Variants in DCC observed in about 807,000 individuals in gnomAD.
DCC encodes the protein DCC netrin 1 receptor.
In DCC, 58 loss-of-function variants were observed where a neutral mutation model predicts 172.5. The ratio of observed to expected loss-of-function variants is 0.34; its 90% CI spans 0.27 to 0.42. DCC has a LOEUF of 0.42. Among genes scored for constraint, DCC ranks in the 10% least tolerant of loss-of-function variants. The pLI is 1.00. For missense variants in DCC, 1,740 were observed against 1,791.0 expected, an observed-to-expected ratio of 0.97 and a Z score of 0.51; for synonymous variants, 709 against 644.5, an observed-to-expected ratio of 1.10 and a Z score of -1.52.
intron 1 of DCC, among the ~76,000 whole-genome samples, chr18:52,605,991 G>T (rs1199089291): frequency 1.3e-5 from 2 of 151,994 alleles, no homozygotes; most frequent in Non-Finnish European, 2.9e-5. Flanking sequence ...ATACTACAAA[G>T]AATGCAATCT....
chr18:52,798,557 T>G (rs532744034), intron 2 of DCC, among the ~76,000 whole-genome samples: 1 of 151,888 alleles, frequency 6.6e-6, no homozygotes, highest in Admixed American at 6.6e-5. Flanking sequence ...TGTTAAAAAA[T>G]AAAAATCCAA....
At chr18:52,595,705 A>G (rs2033896114) in intron 1 of DCC, among the ~76,000 whole-genome samples, 1 of 152,206 alleles carries the variant, frequency 6.6e-6, no homozygotes, top group Non-Finnish European at 1.5e-5. Context: ...TTAACCAGCT[A>G]CAATCACATT....
intron 26 of DCC, among the ~76,000 whole-genome samples, chr18:53,492,283 C>CT (rs1402829471): frequency 2.0e-5 from 3 of 151,898 alleles, no homozygotes; most frequent in African/African-American, 7.2e-5. Flanking sequence ...CTGATGATAG[C>CT]TTTTTTGTTG....
At chr18:52,642,614 AT>A (rs551209619) in intron 1 of DCC, among the ~76,000 whole-genome samples, 78 of 151,204 alleles carry the variant, frequency 5.2e-4, no homozygotes, top group South Asian at 2.1e-3. Context: ...TGTTCTTAAT[AT>A]TTTTTTTTAC....
At chr18:53,456,236 G>C (rs1239762976) in intron 23 of DCC, among the ~76,000 whole-genome samples, 1 of 152,190 alleles carries the variant, frequency 6.6e-6, no homozygotes, top group Non-Finnish European at 1.5e-5. Flanking sequence ...GATTTTGAAG[G>C]CACTGTGGGC....
chr18:53,010,198 A>T (rs2041707673), intron 5 of DCC, among the ~76,000 whole-genome samples: 1 of 151,868 alleles, frequency 6.6e-6, no homozygotes, highest in South Asian at 2.1e-4. Flanking sequence ...GTCTAATTTG[A>T]TCTGTTGTCA....
intron 15 of DCC, among the ~76,000 whole-genome samples, chr18:53,375,517 A>G (rs1479790268): frequency 1.3e-5 from 2 of 152,048 alleles, no homozygotes; most frequent in African/African-American, 2.4e-5. Flanking sequence ...TTTTAAAATA[A>G]TGATTTGTTT....
intron 7 of DCC, among the ~76,000 whole-genome samples, chr18:53,072,715 C>T (rs1265913207): frequency 6.6e-6 from 1 of 152,148 alleles, no homozygotes; most frequent in East Asian, 1.9e-4. Context: ...AGAATAAATG[C>T]TATTATAGAT....
chr18:52,621,473 A>G (rs2034478188), intron 1 of DCC, among the ~76,000 whole-genome samples: 1 of 152,156 alleles, frequency 6.6e-6, no homozygotes, highest in African/African-American at 2.4e-5. Flanking sequence ...GCCTTATTCC[A>G]CTTACTCATT....
Position 53,167,775 on chromosome 18 carries a change from C to T in DCC, c.1418+10263C>T, listed in dbSNP as rs537640236. On this transcript the variant is annotated intron_variant, in intron 8 of 28. Coordinates refer to ENST00000442544, the MANE Select transcript of DCC (RefSeq NM_005215.4). ...TTAATACAAAGTGATACATAATACA[C>T]TAGATGTATAAACAGAAAGCAATGA... Among the ~76,000 whole-genome samples, 515 of 152,192 alleles carry T rather than the reference C, an allele frequency of 3.4e-3. 2 individuals carry two copies. The highest frequency in any genetic ancestry group is 0.012 in the African/African-American group (500 of 41,524).
intron 12 of DCC, among the ~76,000 whole-genome samples, chr18:53,242,158 T>A (rs538066997): frequency 3.9e-4 from 60 of 152,150 alleles, no homozygotes; most frequent in Non-Finnish European, 6.9e-4. Context: ...TCTTAATCAA[T>A]CACTGGTAAC....
intron 5 of DCC, among the ~76,000 whole-genome samples, chr18:53,005,344 A>G (rs1362439814): frequency 1.3e-5 from 2 of 152,220 alleles, no homozygotes; most frequent in Non-Finnish European, 2.9e-5. Context: ...TATTATAGGT[A>G]AGTAAGCCAA....
chr18:53,384,842 CAAT>C (rs950316515), intron 15 of DCC, among the ~76,000 whole-genome samples: 3 of 115,860 alleles, frequency 2.6e-5, no homozygotes, highest in Non-Finnish European at 6.6e-5. Flanking sequence ...AAGTTTACCT[CAAT>C]AATTTTTTTT....
intron 2 of DCC, among the ~76,000 whole-genome samples, chr18:52,820,832 C>T (rs2038391767): frequency 1.3e-5 from 2 of 152,156 alleles, no homozygotes; most frequent in African/African-American, 4.8e-5. Flanking sequence ...GTTAGGAATT[C>T]AGGGTAGAAC....
intron 2 of DCC, among the ~76,000 whole-genome samples, chr18:52,796,838 T>C (rs1356485925): frequency 6.6e-6 from 1 of 152,212 alleles, no homozygotes; most frequent in African/African-American, 2.4e-5. Flanking sequence ...GAGCTTCATC[T>C]ATCTAGATGT....
chr18:53,526,771 T>G lies in DCC; in HGVS notation c.4254+12T>G, dbSNP rs2046460633. On this transcript the variant is annotated intron_variant, in intron 28 of 28. Transcript: ENST00000442544. ...AGGATTCAGCCAATGTAAGGGCATCTTTAAAATTCATGCTTCATCAAGGGA... is the reference window on the plus strand; with the variant it reads ...AGGATTCAGCCAATGTAAGGGCATCGTTAAAATTCATGCTTCATCAAGGGA... 2 of 1,613,208 alleles carry G rather than the reference T, an allele frequency of 1.2e-6. No individual in the cohort carries two copies. Among genetic ancestry groups the G allele is most frequent in the African/African-American group, 1.3e-5 (1 of 74,980 alleles).
intron 5 of DCC, among the ~76,000 whole-genome samples, chr18:53,047,522 G>A (rs1309316894): frequency 6.1e-5 from 8 of 131,696 alleles, no homozygotes; most frequent in East Asian, 2.3e-4. Flanking sequence ...ATATACTTGC[G>A]TGTCTGGAAA....
At chr18:52,513,057 G>T (rs770058046) in intron 1 of DCC, among the ~76,000 whole-genome samples, 2 of 152,126 alleles carry the variant, frequency 1.3e-5, no homozygotes, top group South Asian at 2.1e-4. Flanking sequence ...AAAGAGAACT[G>T]CTCTTGCTCC....
chr18:52,757,931 A>G (rs1568084861), intron 2 of DCC, among the ~76,000 whole-genome samples: 3 of 152,148 alleles, frequency 2.0e-5, no homozygotes, highest in Non-Finnish European at 4.4e-5. Context: ...TTCTCAATCT[A>G]AGGACTAGAT....
Sources: gnomAD v4.1 joint callset for allele counts (sites outside exome capture counted in the v4.1 genomes callset) on GRCh38, gnomAD v4.1.1 for gene constraint, MANE v1.5 for transcripts, NCBI Gene and HGNC (gene_info 2026-07-23, HGNC 2026-07-21) for gene names.